CSGALNACT1: variants seen among roughly 807,000 people sequenced by gnomAD.
The protein encoded by CSGALNACT1 is chondroitin sulfate N-acetylgalactosaminyltransferase 1, also known as beta4GalNAcT-1.
Under a neutral mutation model 51.0 loss-of-function variants are expected in CSGALNACT1, and 52 were observed. The observed-to-expected ratio is 1.02, with a 90% CI of 0.82 to 1.29. The LOEUF is 1.29. CSGALNACT1 is among the 50% of genes most tolerant of loss of function. The pLI is 0.00. For synonymous variants in CSGALNACT1, 341 were observed against 254.4 expected, an observed-to-expected ratio of 1.34 and a Z score of -3.24; for missense variants, 935 against 679.2, an observed-to-expected ratio of 1.38 and a Z score of -4.19.
At chr8:19,416,965 C>T (rs757326511) in intron 8 of CSGALNACT1, among the ~76,000 whole-genome samples, 3 of 151,980 alleles carry the variant, frequency 2.0e-5, no homozygotes, top group East Asian at 1.9e-4. Flanking sequence ...CAGGCTCAAG[C>T]GATTTTCAAC....
chr8:19,626,074 T>TA lies in CSGALNACT1; in HGVS notation c.-543-24210dup, dbSNP rs1409949676. 2.6e-5 allele frequency among the ~76,000 whole-genome samples: 4 copies of TA among 152,188 alleles called. No individual in the cohort carries two copies. In the East Asian group the frequency reaches 7.7e-4, roughly 29 times the overall value. On this transcript the variant is annotated intron_variant, in intron 1 of 9. Coordinates refer to the CSGALNACT1 transcript ENST00000332246. ...TTTGTAGATATACACAGGCTTCTTC[T>TA]AAAATTTATATGGAAAGGAAACAGA...
chr8:19,657,066 A>T (rs1405472809), intron 1 of CSGALNACT1, among the ~76,000 whole-genome samples: 3 of 39,996 alleles, frequency 7.5e-5, no homozygotes, highest in Non-Finnish European at 1.8e-4. Context: ...CCATCTCATT[A>T]AAAAAAAAAA....
At chr8:19,648,054 T>C (rs1483079227) in intron 1 of CSGALNACT1, among the ~76,000 whole-genome samples, 1 of 152,254 alleles carries the variant, frequency 6.6e-6, no homozygotes, top group East Asian at 1.9e-4. Context: ...ATTCAAGCTC[T>C]TTGTTTTGTT....
At chr8:19,527,564 C>T (rs1275147160) in intron 3 of CSGALNACT1, among the ~76,000 whole-genome samples, 2 of 152,262 alleles carry the variant, frequency 1.3e-5, no homozygotes, top group African/African-American at 4.8e-5. Context: ...GAGCTGAGAT[C>T]GTGCCACTGC....
At chr8:19,733,959 A>G (rs2063826885) in intron 1 of CSGALNACT1, among the ~76,000 whole-genome samples, 1 of 152,038 alleles carries the variant, frequency 6.6e-6, no homozygotes, top group Admixed American at 6.6e-5. Context: ...GCCAGAATGC[A>G]CTCTAAGAAG....
chr8:19,493,057 GAAA>G (rs71205928), intron 4 of CSGALNACT1, among the ~76,000 whole-genome samples: 1 of 141,360 alleles, frequency 7.1e-6, no homozygotes. Context: ...TTCTTTTTTT[GAAA>G]AAAAAAAAAA....
intron 1 of CSGALNACT1, among the ~76,000 whole-genome samples, chr8:19,727,573 A>T (rs1027229853): frequency 1.3e-5 from 2 of 152,064 alleles, no homozygotes; most frequent in African/African-American, 4.8e-5. Flanking sequence ...CTGGTCTCGA[A>T]CTCCTGGGCT....
At chr8:19,667,039 G>GA (rs1564386902) in intron 1 of CSGALNACT1, among the ~76,000 whole-genome samples, 1 of 39,970 alleles carries the variant, frequency 2.5e-5, no homozygotes, top group Non-Finnish European at 4.7e-5. Flanking sequence ...AAGGAAGGAA[G>GA]GAAGAAAGAA....
At chr8:19,520,132 A>G (rs1261313104) in intron 3 of CSGALNACT1, among the ~76,000 whole-genome samples, 1 of 152,232 alleles carries the variant, frequency 6.6e-6, no homozygotes, top group Non-Finnish European at 1.5e-5. Context: ...ACCTACAAAA[A>G]GATATGAGCA....
intron 3 of CSGALNACT1, among the ~76,000 whole-genome samples, chr8:19,588,888 T>C (rs137960794): frequency 1.9e-3 from 285 of 152,292 alleles, no homozygotes; most frequent in Middle Eastern, 3.4e-3. Flanking sequence ...GTTCATTAAG[T>C]ACTGGATTGG....
intron 3 of CSGALNACT1, among the ~76,000 whole-genome samples, chr8:19,516,715 G>A (rs1172446499): frequency 1.3e-5 from 2 of 152,184 alleles, no homozygotes; most frequent in African/African-American, 4.8e-5. Context: ...CAGCCGTGTG[G>A]CCTCCACAGA....
intron 3 of CSGALNACT1, among the ~76,000 whole-genome samples, chr8:19,565,043 GAA>G (rs1333732103): frequency 6.6e-6 from 1 of 152,206 alleles, no homozygotes; most frequent in East Asian, 1.9e-4. Context: ...TTCAGGGACT[GAA>G]AGTGCCCACT....
chr8:19,557,544 C>A (rs981745585), intron 3 of CSGALNACT1, among the ~76,000 whole-genome samples: 1 of 152,156 alleles, frequency 6.6e-6, no homozygotes, highest in Non-Finnish European at 1.5e-5. Context: ...CAGGCCTATT[C>A]GTTGTTTTGG....
At chr8:19,505,322 A>C in exon 4 of CSGALNACT1, 2 of 1,614,140 alleles carry the variant, frequency 1.2e-6, no homozygotes, top group South Asian at 2.2e-5. Flanking sequence ...CCTTCCTCAC[A>C]GGCTTCTCCT....
chr8:19,420,308 C>T lies in CSGALNACT1; in HGVS notation c.1132+32G>A, dbSNP rs2057708607. 3 of 1,610,414 alleles carry T rather than the reference C, an allele frequency of 1.9e-6. No individual in the cohort carries two copies. The Admixed American group carries it at 5.0e-5, about 27-fold the overall frequency. ...CACATGGGCCCGAGAGGGCTGGGGGCCACCTGAGCGTGACAGAGAGATGAT... is the reference window on the plus strand; with the variant it reads ...CACATGGGCCCGAGAGGGCTGGGGGTCACCTGAGCGTGACAGAGAGATGAT... On this transcript the variant is annotated intron_variant, in intron 7 of 9. Coordinates refer to ENST00000454498, the Ensembl canonical transcript of CSGALNACT1.
intron 2 of CSGALNACT1, among the ~76,000 whole-genome samples, chr8:19,591,998 A>T (rs931923072): frequency 6.6e-6 from 1 of 152,220 alleles, no homozygotes; most frequent in Non-Finnish European, 1.5e-5. Flanking sequence ...CCTGTTCAGC[A>T]TGTATAACCT....
At chr8:19,721,205 G>C (rs1455746703) in intron 1 of CSGALNACT1, among the ~76,000 whole-genome samples, 1 of 152,098 alleles carries the variant, frequency 6.6e-6, no homozygotes, top group Non-Finnish European at 1.5e-5. Context: ...TCCTAGTCCT[G>C]TCACCACCAT....
chr8:19,741,560 C>CCAA (rs1491201340), intron 1 of CSGALNACT1, among the ~76,000 whole-genome samples: 60 of 108,804 alleles, frequency 5.5e-4, no homozygotes, highest in African/African-American at 2.0e-3. Flanking sequence ...GAGACTCCAT[C>CCAA]AAAAAAAAAA....
chr8:19,540,213 T>A (rs2084770979), intron 3 of CSGALNACT1, among the ~76,000 whole-genome samples: 2 of 152,242 alleles, frequency 1.3e-5, no homozygotes, highest in African/African-American at 2.4e-5. Flanking sequence ...ATGACCTAAA[T>A]ACGTGACCAG....
Sources: gnomAD v4.1 joint callset for allele counts (sites outside exome capture counted in the v4.1 genomes callset) on GRCh38, gnomAD v4.1.1 for gene constraint, MANE v1.5 for transcripts, NCBI Gene and HGNC (gene_info 2026-07-23, HGNC 2026-07-21) for gene names.